Variants in ENKUR observed in about 807,000 individuals in gnomAD.
ENKUR encodes the protein enkurin.
ENKUR carries 19 observed loss-of-function variants against 27.6 expected under a neutral mutation model. The ratio of observed to expected loss-of-function variants is 0.69; its 90% CI spans 0.48 to 1.01. The LOEUF (loss-of-function observed/expected upper bound fraction) is 1.01. Among genes scored for constraint, ENKUR ranks in the 50% least tolerant of loss-of-function variants. The probability of loss-of-function intolerance (pLI) is 0.00; values close to 1 mark genes in which losing one functional copy is unlikely to be tolerated. For synonymous variants in ENKUR, 117 were observed against 96.9 expected, an observed-to-expected ratio of 1.21 and a Z score of -1.22; for missense variants, 312 against 310.5, an observed-to-expected ratio of 1.00 and a Z score of -0.04.
At chr10:25,024,735 C>G (rs374690994) in intron 2 of ENKUR, 1 of 1,614,170 alleles carries the variant, frequency 6.2e-7, no homozygotes, top group Non-Finnish European at 8.5e-7. Flanking sequence ...CAGTCGATGT[C>G]TGTATTCCCA....
intron 1 of ENKUR, among the ~76,000 whole-genome samples, chr10:25,001,931 T>C (rs548604398): frequency 8.5e-5 from 13 of 152,328 alleles, no homozygotes; most frequent in Non-Finnish European, 1.8e-4. Context: ...ATGCCAAACA[T>C]TGTGAATTTT....
chr10:24,984,386 A>G lies in ENKUR; in HGVS notation c.765-10T>C, dbSNP rs1452932319. On this transcript the variant is annotated splice_polypyrimidine_tract_variant and intron_variant, in intron 5 of 5. Transcript: ENST00000331161. ...CTGTTGGTATCATGCGCTGCAGAAA[A>G]AAAAAAAAAAAAGTGAAGTTCTGAG... 1.9e-6 allele frequency: 3 copies of G among 1,560,480 alleles called. No individual in the cohort carries two copies. In the East Asian group the frequency reaches 6.8e-5, roughly 35 times the overall value.
intron 2 of ENKUR, among the ~76,000 whole-genome samples, chr10:25,053,288 T>G (rs1186441273): frequency 6.6e-6 from 1 of 152,212 alleles, no homozygotes; most frequent in Non-Finnish European, 1.5e-5. Context: ...TACTTATCCC[T>G]TTTTGTGGTG....
intron 1 of ENKUR, among the ~76,000 whole-genome samples, chr10:25,061,898 G>A (rs1851332754): frequency 6.6e-6 from 1 of 152,180 alleles, no homozygotes; most frequent in South Asian, 2.1e-4. Flanking sequence ...TTCTTTATAT[G>A]TAGGATAGTT....
intron 2 of ENKUR, among the ~76,000 whole-genome samples, chr10:25,032,317 G>A (rs181398686): frequency 1.1e-4 from 16 of 150,018 alleles, no homozygotes; most frequent in Non-Finnish European, 1.6e-4. Flanking sequence ...GTAAAGAAGG[G>A]GGGGGGGCTA....
chr10:25,017,940 T>C (rs1377850228), upstream of ENKUR, among the ~76,000 whole-genome samples: 1 of 152,196 alleles, frequency 6.6e-6, no homozygotes, highest in East Asian at 1.9e-4. Context: ...TGGCTAAAGC[T>C]TATGAATTTT....
chr10:25,021,676 G>A (rs898310623), intron 2 of ENKUR: 1 of 152,108 alleles, frequency 6.6e-6, no homozygotes, highest in Non-Finnish European at 1.5e-5. Context: ...TAATAGACTA[G>A]TCTATGTGTA....
chr10:25,011,951 G>A (rs1850456471), intron 1 of ENKUR, among the ~76,000 whole-genome samples: 1 of 152,218 alleles, frequency 6.6e-6, no homozygotes, highest in Admixed American at 6.5e-5. Context: ...CACAGGCCCA[G>A]AGACCTAGGA....
chr10:24,988,326 TTA>T (rs1299235093), intron 4 of ENKUR, among the ~76,000 whole-genome samples: 10 of 145,388 alleles, frequency 6.9e-5, no homozygotes, highest in African/African-American at 2.0e-4. Context: ...GTATATATAT[TTA>T]TATATGTGTA....
At chr10:25,030,260 C>A (rs1205040286) in intron 2 of ENKUR, among the ~76,000 whole-genome samples, 1 of 152,118 alleles carries the variant, frequency 6.6e-6, no homozygotes, top group African/African-American at 2.4e-5. Context: ...CCAGTAGCTT[C>A]CTCTGATAAT....
rs1849727132 is a variant in ENKUR at position 24,984,135 on chromosome 10, C to A, written c.*235G>T. ...TTGTCATCTTGATTTTGTAAGTTGT[C>A]TTCTTAATTTTTCTTCCTCCAAATA... On this transcript the variant is annotated 3_prime_UTR_variant, in exon 6 of 6. Coordinates refer to ENST00000331161, the MANE Select transcript of ENKUR (RefSeq NM_145010.4). 2.4e-6 allele frequency: 1 copy of A among 421,674 alleles called. No individual in the cohort carries two copies. Among genetic ancestry groups the A allele is most frequent in the South Asian group, 9.6e-5 (1 of 10,462 alleles). The allele number at this position is 421,674 out of a possible 1,614,324, so 26.1% of individuals were successfully genotyped here. A position where few individuals can be genotyped will look rare whatever the true frequency, so the allele number is the denominator to read the frequency against.
intron 2 of ENKUR, among the ~76,000 whole-genome samples, chr10:25,037,101 G>A (rs1258894540): frequency 1.3e-5 from 2 of 152,252 alleles, no homozygotes; most frequent in African/African-American, 2.4e-5. Context: ...GGAACAAAGA[G>A]TGCCTGTATG....
At chr10:25,037,724 T>C (rs1851023697) in intron 2 of ENKUR, among the ~76,000 whole-genome samples, 1 of 152,178 alleles carries the variant, frequency 6.6e-6, no homozygotes, top group Non-Finnish European at 1.5e-5. Context: ...GATGACCTCC[T>C]AGATCCTGCT....
At chr10:25,012,035 A>C (rs57710970) in intron 1 of ENKUR, among the ~76,000 whole-genome samples, 10,165 of 152,266 alleles carry the variant, frequency 0.067, 952 homozygotes, top group African/African-American at 0.21. Context: ...GCCCTGAGTC[A>C]CAGCCATGGC....
intron 4 of ENKUR, among the ~76,000 whole-genome samples, chr10:24,988,278 G>GTA (rs1258098840): frequency 1.4e-5 from 2 of 139,782 alleles, no homozygotes; most frequent in Admixed American, 1.5e-4. Context: ...ATATATATGT[G>GTA]TATATATATT....
chr10:25,042,014 G>A (rs1188946323), intron 2 of ENKUR, among the ~76,000 whole-genome samples: 1 of 152,052 alleles, frequency 6.6e-6, no homozygotes, highest in Non-Finnish European at 1.5e-5. Flanking sequence ...TTGAATGTCT[G>A]TAGTTTAGAT....
At chr10:25,007,593 C>G (rs966312733) in intron 1 of ENKUR, among the ~76,000 whole-genome samples, 1 of 152,124 alleles carries the variant, frequency 6.6e-6, no homozygotes, top group African/African-American at 2.4e-5. Flanking sequence ...CGCCACCACA[C>G]CCGGGTAATT....
chr10:25,025,241 C>T (rs1237742975), intron 2 of ENKUR: 1 of 1,614,060 alleles, frequency 6.2e-7, no homozygotes, highest in Non-Finnish European at 8.5e-7. Flanking sequence ...AAGTTTGCAC[C>T]TGCTATCATG....
At chr10:25,049,441 A>T (rs1314497997) in intron 2 of ENKUR, among the ~76,000 whole-genome samples, 2 of 152,146 alleles carry the variant, frequency 1.3e-5, no homozygotes, top group Non-Finnish European at 2.9e-5. Flanking sequence ...ATGTCAGGAG[A>T]TCATCATTCT....
Sources: gnomAD v4.1 joint callset for allele counts (sites outside exome capture counted in the v4.1 genomes callset) on GRCh38, gnomAD v4.1.1 for gene constraint, MANE v1.5 for transcripts, NCBI Gene and HGNC (gene_info 2026-07-23, HGNC 2026-07-21) for gene names.